The following PTK7 variants were observed in gnomAD, a reference collection of about 807,000 sequenced individuals.
PTK7 encodes inactive tyrosine-protein kinase 7.
In PTK7, 39 loss-of-function variants were observed where a neutral mutation model predicts 116.6. That is an observed-to-expected ratio of 0.33 (90% CI 0.26 to 0.44). The LOEUF (loss-of-function observed/expected upper bound fraction) is 0.44. Among genes scored for constraint, PTK7 ranks in the 20% least tolerant of loss-of-function variants. The probability of loss-of-function intolerance (pLI) is 1.00; values close to 1 mark genes in which losing one functional copy is unlikely to be tolerated. For missense variants in PTK7, 1,169 were observed against 1,425.6 expected, an observed-to-expected ratio of 0.82 and a Z score of 2.90; for synonymous variants, 546 against 563.6, an observed-to-expected ratio of 0.97 and a Z score of 0.44.
chr6:43,118,620 CCT>C (rs1170818291), intron 1 of PTK7, among the ~76,000 whole-genome samples: 2,351 of 63,220 alleles, frequency 0.037, 80 homozygotes, highest in East Asian at 0.12. Flanking sequence ...AATATTTTAA[CCT>C]CTCTCTCTCT....
chr6:43,086,519 G>GTA (rs2150373788), intron 1 of PTK7, among the ~76,000 whole-genome samples: 1 of 152,058 alleles, frequency 6.6e-6, no homozygotes, highest in African/African-American at 2.4e-5. Flanking sequence ...AGCTCGTATG[G>GTA]TACCTTTGTG....
intron 7 of PTK7, chr6:43,133,772 A>C (rs1430717311): frequency 6.6e-6 from 1 of 152,236 alleles, no homozygotes; most frequent in East Asian, 1.9e-4. Context: ...CCTTTATGTT[A>C]CTATTATCTT....
chr6:43,144,435 TC>T lies in PTK7; in HGVS notation c.2252-14del. ...GTCAGGTCTCATCGTGACGCTCTTG[TC>T]CTCCTCCTTCCCAGGTGGGCCTTTG... On this transcript the variant is annotated splice_polypyrimidine_tract_variant and intron_variant, in intron 14 of 19. Coordinates refer to ENST00000230419, the MANE Select transcript of PTK7 (RefSeq NM_002821.5). 6.2e-7 allele frequency: 1 copy of T among 1,614,056 alleles called. No homozygotes were observed. The highest frequency in any genetic ancestry group is 8.5e-7 in the Non-Finnish European group (1 of 1,179,998).
chr6:43,155,151 A>G (rs1474323427), intron 17 of PTK7, among the ~76,000 whole-genome samples: 1 of 151,158 alleles, frequency 6.6e-6, no homozygotes, highest in East Asian at 1.9e-4. Context: ...GTTATATTCC[A>G]CCAACATCCA....
chr6:43,157,365 T>TATATATAAA (rs1554162298), intron 17 of PTK7, among the ~76,000 whole-genome samples: 9 of 26,888 alleles, frequency 3.3e-4, no homozygotes, highest in African/African-American at 1.6e-3. Flanking sequence ...TATATATATA[T>TATATATAAA]TTTTTTTTTT....
In PTK7 at chr6:43,141,851, G is replaced by T; in HGVS notation, c.1768+34G>T. On this transcript the variant is annotated intron_variant, in intron 11 of 19. Coordinates refer to ENST00000230419, the MANE Select transcript of PTK7 (RefSeq NM_002821.5). The surrounding 1 kb of genome is among the most constrained non-coding windows in gnomAD (Gnocchi z 4.9). ...GTGGCAGGGCCCTGGGGCTGGGAGGGCCCTCTGGGGTAGCACCGTGTACCC... is the reference window on the plus strand; with the variant it reads ...GTGGCAGGGCCCTGGGGCTGGGAGGTCCCTCTGGGGTAGCACCGTGTACCC... 6.2e-7 allele frequency: 1 copy of T among 1,608,488 alleles called. No homozygotes were observed. The highest frequency in any genetic ancestry group is 8.5e-7 in the Non-Finnish European group (1 of 1,177,130).
At chr6:43,151,174 G>A (rs551193178) in intron 17 of PTK7, among the ~76,000 whole-genome samples, 1 of 151,236 alleles carries the variant, frequency 6.6e-6, no homozygotes, top group South Asian at 2.1e-4. Context: ...CCAGAGAAGA[G>A]AGGCCCAGTA....
chr6:43,117,786 A>G (rs1056242497), intron 1 of PTK7, among the ~76,000 whole-genome samples: 3 of 152,022 alleles, frequency 2.0e-5, no homozygotes, highest in Admixed American at 6.6e-5. Flanking sequence ...AATACAAAAA[A>G]TTAGCCAGGC....
At chr6:43,088,068 C>T (rs967823207) in intron 1 of PTK7, among the ~76,000 whole-genome samples, 1 of 152,048 alleles carries the variant, frequency 6.6e-6, no homozygotes, top group South Asian at 2.1e-4. Flanking sequence ...GAGGCCAAGG[C>T]GTGAGGATTG....
chr6:43,108,094 C>CA (rs1767993790), intron 1 of PTK7, among the ~76,000 whole-genome samples: 2 of 137,412 alleles, frequency 1.5e-5, no homozygotes, highest in South Asian at 4.7e-4. Context: ...GCTGCTTTAA[C>CA]TTTTTTTTTT....
chr6:43,115,626 A>C lies in PTK7; in HGVS notation c.80-13351A>C, dbSNP rs577435858. The stretch of plus-strand genomic sequence containing the variant: ...GAGGAGAGCTTTGGATGGCAGGAGG[A>C]GATCTGCCTTCAGAAAGGGGCAGTG... On this transcript the variant is annotated intron_variant, in intron 1 of 19. Transcript: ENST00000230419. Among the ~76,000 whole-genome samples the C allele has an allele frequency of 3.3e-5, 5 of 152,136 alleles. No homozygotes were observed. The East Asian group carries it at 9.7e-4, about 29-fold the overall frequency.
chr6:43,158,287 A>G (rs575858883), intron 17 of PTK7, among the ~76,000 whole-genome samples: 2 of 151,760 alleles, frequency 1.3e-5, no homozygotes, highest in East Asian at 3.9e-4. Flanking sequence ...CAACAGAGCA[A>G]GACTCCGTCT....
At chr6:43,128,537 C>T (rs957752196) in intron 1 of PTK7, among the ~76,000 whole-genome samples, 1 of 152,228 alleles carries the variant, frequency 6.6e-6, no homozygotes, top group Non-Finnish European at 1.5e-5. Flanking sequence ...GTAATCCTAG[C>T]ACTTTGGGAG....
intron 10 of PTK7, among the ~76,000 whole-genome samples, chr6:43,140,909 A>G (rs1770362042): frequency 6.6e-6 from 1 of 152,046 alleles, no homozygotes; most frequent in African/African-American, 2.4e-5. Context: ...ATTTCCCCAC[A>G]TCTTTATACA....
chr6:43,116,237 T>C (rs1428078717), intron 1 of PTK7, among the ~76,000 whole-genome samples: 1 of 151,794 alleles, frequency 6.6e-6, no homozygotes, highest in African/African-American at 2.4e-5. Flanking sequence ...AAAGGAAGGG[T>C]CGCAAGAGGG....
chr6:43,109,950 G>T (rs1582110692), intron 1 of PTK7, among the ~76,000 whole-genome samples: 1 of 150,420 alleles, frequency 6.6e-6, no homozygotes, highest in Non-Finnish European at 1.5e-5. Flanking sequence ...CACCTGCCTC[G>T]GCCTCCCAAA....
chr6:43,096,732 G>T (rs1351042558), intron 1 of PTK7, among the ~76,000 whole-genome samples: 3 of 152,240 alleles, frequency 2.0e-5, no homozygotes, highest in African/African-American at 7.2e-5. Flanking sequence ...CGGCTGTGCT[G>T]GGCCAGCCTG....
rs1771531681 is a variant in PTK7, at chr6:43,157,356, ATATATAT to A, written c.2722-1460_2722-1454del. On this transcript the variant is annotated intron_variant, in intron 17 of 19. Transcript: ENST00000230419. ...TATATATATATATATATATATATAT[ATATATAT>A]ATTTTTTTTTTTCTTTTTTTTTTTT... is the stretch of plus-strand genomic sequence containing the variant. Among the ~76,000 whole-genome samples the A allele has an allele frequency of 2.2e-3, 7 of 3,196 alleles. 1 individual carries two copies. Among genetic ancestry groups the A allele is most frequent in the Non-Finnish European group, 2.8e-3 (4 of 1,440 alleles). The allele number at this position is 3,196 out of a possible 152,430, so 2.1% of individuals were successfully genotyped here. A position where few individuals can be genotyped will look rare whatever the true frequency, so the allele number is the denominator to read the frequency against.
chr6:43,136,877 G>A (rs903176437), intron 7 of PTK7, among the ~76,000 whole-genome samples: 1 of 152,094 alleles, frequency 6.6e-6, no homozygotes, highest in African/African-American at 2.4e-5. Flanking sequence ...GGTGGTACGC[G>A]CCTGTGGTCC....
Sources: allele counts gnomAD v4.1 joint callset (sites outside exome capture counted in the v4.1 genomes callset), GRCh38; gene constraint gnomAD v4.1.1; non-coding constraint Gnocchi (gnomAD v3.1); transcripts MANE v1.5; gene names NCBI Gene and HGNC (gene_info 2026-07-23, HGNC 2026-07-21).